LMO7: variants seen among roughly 807,000 people sequenced by gnomAD.
LMO7 encodes the protein LIM domain 7.
LMO7 carries 120 observed loss-of-function variants against 206.5 expected under a neutral mutation model. The observed-to-expected ratio is 0.58, with a 90% CI of 0.50 to 0.68. LMO7 has a LOEUF of 0.68. LMO7 is among the 30% of genes least tolerant of loss of function. The pLI is 0.00. For missense variants in LMO7, 1,959 were observed against 1,957.9 expected (o/e 1.00, Z -0.01); for synonymous variants, 706 against 681.5 (o/e 1.04, Z -0.56).
intron 22 of LMO7, among the ~76,000 whole-genome samples, 154 bp from the exon 23 acceptor site, chr13:75,840,955 T>C (rs2059514202): frequency 6.6e-6 from 1 of 152,208 alleles, no homozygotes; most frequent in South Asian, 2.1e-4. Context: ...TCTTTTCTAC[T>C]ATAGGGACTA....
rs78293468 is a variant in LMO7, at chr13:75,855,110, T to C, written c.4662-150T>C. The stretch of plus-strand genomic sequence containing the variant: ...GTTAGAGTATAATCAAGGCACTCTT[T>C]AGTTGGCTGGTAAAAGTTATTCTCC... On this transcript the variant is annotated intron_variant, in intron 28 of 30. Coordinates refer to ENST00000377534, the MANE Select transcript of LMO7 (RefSeq NM_001306080.2). 1.1e-3 allele frequency: 571 copies of C among 520,100 alleles called. 8 individuals are homozygous for C. The highest frequency in any genetic ancestry group is 0.01 in the African/African-American group (542 of 52,256). 32.2% of individuals were successfully genotyped at this position (520,100 alleles called of 1,614,324 possible). A position where few individuals can be genotyped will look rare whatever the true frequency, so the allele number is the denominator to read the frequency against.
chr13:75,753,362 C>T (rs1486164749), intron 3 of LMO7, among the ~76,000 whole-genome samples: 1 of 152,118 alleles, frequency 6.6e-6, no homozygotes, highest in Non-Finnish European at 1.5e-5. Flanking sequence ...CCACAGGTGA[C>T]CTTTTCACTT....
chr13:75,747,856 G>A (rs1200995681), intron 3 of LMO7, among the ~76,000 whole-genome samples: 1 of 152,204 alleles, frequency 6.6e-6, no homozygotes, highest in Non-Finnish European at 1.5e-5. Context: ...GGTGGGCTCT[G>A]TGTAATCCCA....
chr13:75,653,818 A>G (rs1378087889), intron 1 of LMO7, among the ~76,000 whole-genome samples: 3 of 152,240 alleles, frequency 2.0e-5, no homozygotes, highest in East Asian at 3.8e-4. Context: ...ATAAGTCAAC[A>G]GATAATTCAC....
At chr13:75,812,907 A>G (rs1039311177) in intron 11 of LMO7, among the ~76,000 whole-genome samples, 6 of 152,228 alleles carry the variant, frequency 3.9e-5, no homozygotes, top group African/African-American at 1.4e-4. Context: ...ACAACATACT[A>G]GAGCTGTGCA....
Position 75,818,154 on chromosome 13 carries a change from A to G in LMO7, c.2064+876A>G, listed in dbSNP as rs141872130. The stretch of plus-strand genomic sequence containing the variant: ...TTAATTGTCAAGAAACAGTAATTCA[A>G]TATCACTTTGCCAAAATACATGGTT... On this transcript the variant is annotated intron_variant, in intron 12 of 30. Transcript: ENST00000377534. 3.3e-5 allele frequency among the ~76,000 whole-genome samples: 5 copies of G among 152,338 alleles called. No homozygotes were observed. The East Asian group carries it at 7.7e-4, about 23-fold the overall frequency.
intron 3 of LMO7, among the ~76,000 whole-genome samples, chr13:75,738,336 A>T (rs61958151): frequency 6.6e-6 from 1 of 152,200 alleles, no homozygotes; most frequent in African/African-American, 2.4e-5. Context: ...TACCTTTTGC[A>T]TATGGACCTG....
At chr13:75,809,832 T>G (rs547709199) in intron 11 of LMO7, among the ~76,000 whole-genome samples, 1,583 of 146,938 alleles carry the variant, frequency 0.011, 18 homozygotes, top group African/African-American at 0.03. Context: ...AACTACATTT[T>G]TTTTTTTTTT....
intron 4 of LMO7, among the ~76,000 whole-genome samples, chr13:75,774,172 C>T (rs565010060): frequency 1.6e-4 from 24 of 152,172 alleles, no homozygotes; most frequent in African/African-American, 4.6e-4. Flanking sequence ...GAGTAACCAT[C>T]ACCATAATCA....
chr13:75,795,425 GA>G lies in LMO7; in HGVS notation c.347del (p.Asn116MetfsTer3). The G allele has an allele frequency of 6.3e-7, 1 of 1,589,384 alleles. No individual in the cohort carries two copies. The highest frequency in any genetic ancestry group is 1.1e-5 in the South Asian group (1 of 88,728). ...GGCAAGAAGAGACTGACAGGAGAGT[GA>G]AAAATGTAAGATACATTTACCTTAA... Reference protein sequence around the residue: ...VKQEETDRRVKNVLITLYWLG... With the variant: ...VKQEETDRRVXNVLITLYWLG... On this transcript the variant is annotated frameshift_variant, in exon 5 of 31. Transcript: ENST00000377534. LOFTEE classifies it high-confidence loss of function.
chr13:75,779,883 A>C (rs996377306), intron 4 of LMO7, among the ~76,000 whole-genome samples: 1 of 152,204 alleles, frequency 6.6e-6, no homozygotes, highest in African/African-American at 2.4e-5. Context: ...AGCCAGTCTA[A>C]GAAATAAAGG....
intron 1 of LMO7, among the ~76,000 whole-genome samples, chr13:75,677,724 G>A (rs1208820116): frequency 6.7e-6 from 1 of 150,308 alleles, no homozygotes; most frequent in African/African-American, 2.5e-5. Context: ...CATGTGCCAT[G>A]TTGGTGTGCT....
At chr13:75,688,369 C>A (rs535408680) in intron 1 of LMO7, among the ~76,000 whole-genome samples, 1 of 152,288 alleles carries the variant, frequency 6.6e-6, no homozygotes, top group Admixed American at 6.5e-5. Context: ...CAGAAAGCTC[C>A]ATTTCATTCA....
chr13:75,810,619 G>C (rs1380270072), intron 11 of LMO7, among the ~76,000 whole-genome samples: 1 of 152,186 alleles, frequency 6.6e-6, no homozygotes, highest in Non-Finnish European at 1.5e-5. Context: ...AAATCTCTTT[G>C]CAGCTTTAAG....
intron 1 of LMO7, chr13:75,688,861 A>T (rs544202132): frequency 6.6e-6 from 1 of 151,634 alleles, no homozygotes; most frequent in South Asian, 2.1e-4. Flanking sequence ...AGCTCCTTCC[A>T]TTGGGCTTTA....
chr13:75,821,284 C>A lies in LMO7; in HGVS notation c.2315C>A (p.Ala772Glu). The A allele has an allele frequency of 6.2e-7, 1 of 1,614,014 alleles. No individual in the cohort carries two copies. Among genetic ancestry groups the A allele is most frequent in the Non-Finnish European group, 8.5e-7 (1 of 1,179,904 alleles). ...KRPPTMTVSE[A>E]SYQSERVEEK... ...CCCCCTACAATGACTGTGTCAGAAG[C>A]AAGTTACCAGAGTGAGAGAGTAGAA... Residue 772 changes from alanine (A) to glutamate (E), a missense_variant, in exon 14 of 31, where the codon GCA becomes GAA. Ala to Glu is a moderately radical substitution (Grantham distance 107). Coordinates refer to ENST00000377534, the MANE Select transcript of LMO7 (RefSeq NM_001306080.2).
Position 75,858,062 on chromosome 13 carries a change from T to A in LMO7, c.*119T>A. On this transcript the variant is annotated 3_prime_UTR_variant, in exon 31 of 31. Transcript: ENST00000377534. Reference sequence around the variant, plus strand: ...CTTTTTTTTTAAAAAAAAGAATAACTTTTTTTGCCTCTTTAGATTACATAG... The same window carrying A: ...CTTTTTTTTTAAAAAAAAGAATAACATTTTTTGCCTCTTTAGATTACATAG... 2.5e-6 allele frequency: 3 copies of A among 1,199,230 alleles called. No homozygotes were observed. Among genetic ancestry groups the A allele is most frequent in the Non-Finnish European group, 3.6e-6 (3 of 842,266 alleles). The allele number at this position is 1,199,230 out of a possible 1,614,324, so 74.3% of individuals were successfully genotyped here. A position where few individuals can be genotyped will look rare whatever the true frequency, so the allele number is the denominator to read the frequency against.
rs186576018 is a variant in LMO7 at position 75,637,179 on chromosome 13, G to C, written c.69+453G>C. ...GAAGCCAGTGTATTCAGTGTGGAGG[G>C]GGGGAGCGGAAAAGAAGGGTGGGTG... is the stretch of plus-strand genomic sequence containing the variant. On this transcript the variant is annotated intron_variant, in intron 1 of 30. Coordinates refer to ENST00000377534, the MANE Select transcript of LMO7 (RefSeq NM_001306080.2). Among the ~76,000 whole-genome samples the C allele has an allele frequency of 3.0e-3, 461 of 151,738 alleles. 4 individuals carry two copies. The highest frequency in any genetic ancestry group is 0.01 in the African/African-American group (432 of 41,316).
chr13:75,758,491 A>C (rs1185062206), intron 3 of LMO7, among the ~76,000 whole-genome samples: 1 of 152,192 alleles, frequency 6.6e-6, no homozygotes, highest in Non-Finnish European at 1.5e-5. Context: ...TACTGTGTTA[A>C]ACTTGAGCAT....
Sources: allele counts gnomAD v4.1 joint callset (sites outside exome capture counted in the v4.1 genomes callset), GRCh38; gene constraint gnomAD v4.1.1; transcripts MANE v1.5; gene names NCBI Gene and HGNC (gene_info 2026-07-23, HGNC 2026-07-21).